Variants in ZNF827 observed in about 807,000 individuals in gnomAD.
The protein encoded by ZNF827 is zinc finger protein 827.
ZNF827 carries 13 observed loss-of-function variants against 102.4 expected under a neutral mutation model. The observed-to-expected ratio is 0.13, with a 90% CI of 0.08 to 0.20. The LOEUF is 0.20. Among genes scored for constraint, ZNF827 ranks in the 10% least tolerant of loss-of-function variants. The probability of loss-of-function intolerance (pLI) is 1.00; values close to 1 mark genes in which losing one functional copy is unlikely to be tolerated. For synonymous variants in ZNF827, 523 were observed against 536.2 expected, an observed-to-expected ratio of 0.98 and a Z score of 0.34; for missense variants, 1,103 against 1,344.4, an observed-to-expected ratio of 0.82 and a Z score of 2.81.
At chr4:145,849,247 TTA>T in intron 6 of ZNF827, 73 bp downstream of exon 6, 1 of 1,495,814 alleles carries the variant, frequency 6.7e-7, no homozygotes, top group Non-Finnish European at 8.9e-7. Context: ...GTTTTTTTTT[TTA>T]AAAAAAACTG....
intron 3 of ZNF827, among the ~76,000 whole-genome samples, chr4:145,886,982 T>C (rs1228108860): frequency 2.0e-5 from 3 of 152,278 alleles, no homozygotes; most frequent in Non-Finnish European, 4.4e-5. Context: ...AATCATTGCA[T>C]TGGCCTGAGC....
rs148145986 is a variant in ZNF827, at chr4:145,792,613, C to T, written c.2384-13102G>A. Among the ~76,000 whole-genome samples, 224 of 152,106 alleles carry T rather than the reference C, an allele frequency of 1.5e-3. 2 individuals carry two copies. The highest frequency in any genetic ancestry group is 5.2e-3 in the African/African-American group (217 of 41,478). ...GCATGGTCACAGCTAACTGCCGCCT[C>T]GAATTCCTGGGCTCGAGCAATCTGT... On this transcript the variant is annotated intron_variant, in intron 8 of 14. Transcript: ENST00000508784.
chr4:145,926,663 C>T (rs763317116), intron 1 of ZNF827, among the ~76,000 whole-genome samples: 4 of 152,096 alleles, frequency 2.6e-5, no homozygotes, highest in Admixed American at 6.5e-5. Context: ...TAAGCATTAT[C>T]GCATGAGTTT....
rs1002343222 is a variant in ZNF827, at chr4:145,758,345, C to T, written c.*3271G>A. On this transcript the variant is annotated 3_prime_UTR_variant, in exon 15 of 15. Coordinates refer to ENST00000508784, the MANE Select transcript of ZNF827 (RefSeq NM_001306215.2). Reference sequence around the variant, plus strand: ...CACCTCCTCTCGTTCTTGAAAGTTTCAACCCTAGACCTCCTATTGCACAAG... The same window carrying T: ...CACCTCCTCTCGTTCTTGAAAGTTTTAACCCTAGACCTCCTATTGCACAAG... The T allele has an allele frequency of 6.6e-6, 1 of 152,186 alleles. No individual in the cohort carries two copies. Among genetic ancestry groups the T allele is most frequent in the African/African-American group, 2.4e-5 (1 of 41,426 alleles). 9.4% of individuals were successfully genotyped at this position (152,186 alleles called of 1,614,324 possible).
intron 4 of ZNF827, among the ~76,000 whole-genome samples, chr4:145,884,966 C>T (rs1037958969): frequency 2.0e-5 from 3 of 151,530 alleles, no homozygotes; most frequent in South Asian, 2.1e-4. Flanking sequence ...AGAGGTGAAC[C>T]GAGAGTTGTT....
chr4:145,898,809 A>AT (rs897673355), intron 2 of ZNF827, among the ~76,000 whole-genome samples: 6 of 151,602 alleles, frequency 4.0e-5, no homozygotes, highest in East Asian at 1.9e-4. Flanking sequence ...CTAAAAGACA[A>AT]TTTTTTTTTC....
intron 8 of ZNF827, among the ~76,000 whole-genome samples, chr4:145,807,810 A>AT (rs1560946697): frequency 6.6e-6 from 1 of 151,744 alleles, no homozygotes. Flanking sequence ...CAAAAAAAAA[A>AT]CAAAAAACAA....
chr4:145,838,072 C>T (rs1346981334), intron 7 of ZNF827, among the ~76,000 whole-genome samples: 1 of 152,170 alleles, frequency 6.6e-6, no homozygotes, highest in African/African-American at 2.4e-5. Flanking sequence ...CCTCTGAGCC[C>T]AAGCCAAACC....
chr4:145,829,318 G>C (rs759238726), intron 7 of ZNF827, among the ~76,000 whole-genome samples: 1 of 152,122 alleles, frequency 6.6e-6, no homozygotes, highest in Non-Finnish European at 1.5e-5. Context: ...TTAAATGTAA[G>C]AGTTTCTGGC....
At chr4:145,856,686 C>CAT (rs1273263934) in intron 5 of ZNF827, among the ~76,000 whole-genome samples, 1 of 18,964 alleles carries the variant, frequency 5.3e-5, no homozygotes, top group Non-Finnish European at 8.1e-5. Flanking sequence ...CACACATACA[C>CAT]ACACACACAC....
intron 1 of ZNF827, among the ~76,000 whole-genome samples, chr4:145,913,253 G>A (rs972142237): frequency 5.9e-5 from 9 of 151,744 alleles, no homozygotes; most frequent in Non-Finnish European, 1.2e-4. Flanking sequence ...TGGTGAAACC[G>A]CATCTCTACC....
At chr4:145,931,950 T>C (rs1298915040) in intron 1 of ZNF827, among the ~76,000 whole-genome samples, 2 of 152,150 alleles carry the variant, frequency 1.3e-5, no homozygotes, top group East Asian at 1.9e-4. Context: ...CCCAATGTGA[T>C]AGTATTAGAG....
At chr4:145,877,053 C>T (rs1561029546) in intron 4 of ZNF827, among the ~76,000 whole-genome samples, 1 of 151,894 alleles carries the variant, frequency 6.6e-6, no homozygotes, top group Non-Finnish European at 1.5e-5. Flanking sequence ...TTTTTTTCCC[C>T]CTAATTGCTT....
intron 7 of ZNF827, among the ~76,000 whole-genome samples, chr4:145,837,878 C>T (rs906753996): frequency 6.6e-6 from 1 of 151,962 alleles, no homozygotes; most frequent in African/African-American, 2.4e-5. Flanking sequence ...CTTACAAGAC[C>T]TCCCTTCAGC....
At chr4:145,793,504 G>C (rs1740044717) in intron 8 of ZNF827, among the ~76,000 whole-genome samples, 2 of 151,180 alleles carry the variant, frequency 1.3e-5, no homozygotes, top group South Asian at 4.2e-4. Flanking sequence ...AAAGATGTCG[G>C]CTGGGAGGCT....
chr4:145,774,203 T>C (rs895077697), intron 11 of ZNF827, among the ~76,000 whole-genome samples: 6 of 152,140 alleles, frequency 3.9e-5, no homozygotes, highest in African/African-American at 1.2e-4. Flanking sequence ...GACTGGGGCA[T>C]TGAAAGACTG....
chr4:145,779,562 T>A (rs970841777), intron 8 of ZNF827, 51 bp from the exon 9 acceptor site: 1 of 1,588,700 alleles, frequency 6.3e-7, no homozygotes, highest in African/African-American at 1.4e-5. Flanking sequence ...AAGAATACAT[T>A]TTCTGTTAGT....
intron 2 of ZNF827, among the ~76,000 whole-genome samples, chr4:145,894,347 A>G (rs1441223760): frequency 1.3e-5 from 2 of 152,236 alleles, no homozygotes. Flanking sequence ...GTGGATTAAA[A>G]GGAAGGAATC....
At chr4:145,883,440 G>A (rs189116633) in intron 4 of ZNF827, among the ~76,000 whole-genome samples, 37 of 152,252 alleles carry the variant, frequency 2.4e-4, no homozygotes, top group Middle Eastern at 6.8e-3. Flanking sequence ...AGGCTTTGAT[G>A]CGCAATTCTT....
Sources: allele counts gnomAD v4.1 joint callset (sites outside exome capture counted in the v4.1 genomes callset), GRCh38; gene constraint gnomAD v4.1.1; transcripts MANE v1.5; gene names NCBI Gene and HGNC (gene_info 2026-07-23, HGNC 2026-07-21).